The following TMEM45B variants were observed in gnomAD, a reference collection of about 807,000 sequenced individuals.
TMEM45B encodes transmembrane protein 45B.
TMEM45B carries 29 observed loss-of-function variants against 27.3 expected under a neutral mutation model. That is an observed-to-expected ratio of 1.06 (90% CI 0.79 to 1.45). The LOEUF (loss-of-function observed/expected upper bound fraction) is 1.45. Ranked by LOEUF, TMEM45B falls within the 40% of genes most tolerant of loss-of-function variation. The pLI, the probability that TMEM45B is intolerant of heterozygous loss-of-function variation, is 0.00. For missense variants in TMEM45B, 348 were observed against 343.9 expected, an observed-to-expected ratio of 1.01 and a Z score of -0.09; for synonymous variants, 143 against 134.7, an observed-to-expected ratio of 1.06 and a Z score of -0.43.
intron 2 of TMEM45B, among the ~76,000 whole-genome samples, chr11:129,853,256 C>A (rs1004706585): frequency 1.3e-5 from 2 of 152,234 alleles, no homozygotes; most frequent in Non-Finnish European, 2.9e-5. Flanking sequence ...CCACTCCGCT[C>A]CACTGCGGCC....
chr11:129,842,829 T>C (rs1002711919), intron 1 of TMEM45B, among the ~76,000 whole-genome samples: 1 of 152,162 alleles, frequency 6.6e-6, no homozygotes, highest in Non-Finnish European at 1.5e-5. Context: ...AGCTTTTGCA[T>C]AGCAAAGAAA....
intron 1 of TMEM45B, among the ~76,000 whole-genome samples, 195 bp downstream of exon 1, chr11:129,816,093 G>A (rs1348740866): frequency 1.3e-5 from 2 of 152,168 alleles, no homozygotes; most frequent in South Asian, 2.1e-4. Flanking sequence ...AGGGGATGGA[G>A]GGCCCTGGTG....
chr11:129,855,224 G>A lies in TMEM45B; in HGVS notation c.385+408G>A, dbSNP rs367683770. On this transcript the variant is annotated intron_variant, in intron 3 of 5. Coordinates refer to ENST00000281441, the MANE Select transcript of TMEM45B (RefSeq NM_138788.5). ...AGGGGATACACCCCTTTGGTTAAGCGAAACCACACTCTACCTTTTGCCCAG... is the reference window on the plus strand; with the variant it reads ...AGGGGATACACCCCTTTGGTTAAGCAAAACCACACTCTACCTTTTGCCCAG... Among the ~76,000 whole-genome samples, 27 of 152,248 alleles carry A rather than the reference G, an allele frequency of 1.8e-4. No individual in the cohort carries two copies. In the East Asian group the frequency reaches 3.9e-3, roughly 22 times the overall value.
chr11:129,826,635 G>T (rs148761048), intron 1 of TMEM45B, among the ~76,000 whole-genome samples: 46,559 of 147,260 alleles, frequency 0.32, 8,084 homozygotes, highest in East Asian at 0.48. Flanking sequence ...TTCAGGCTAG[G>T]ACCCAAGTAT....
chr11:129,857,274 G>A (rs192892180), intron 4 of TMEM45B, 39 bp from the exon 5 acceptor site: 11 of 1,606,686 alleles, frequency 6.8e-6, no homozygotes, highest in East Asian at 6.7e-5. Context: ...TTCTCAGGAC[G>A]ACCAACCACA....
intron 1 of TMEM45B, among the ~76,000 whole-genome samples, chr11:129,847,403 A>AGTTATTTTTTT (rs1305755447): frequency 2.3e-5 from 1 of 42,572 alleles, no homozygotes; most frequent in African/African-American, 6.6e-5. Flanking sequence ...AAGCTTATGA[A>AGTTATTTTTTT]GTTATTTTTT....
At chr11:129,842,807 A>G (rs970704787) in intron 1 of TMEM45B, among the ~76,000 whole-genome samples, 1 of 152,258 alleles carries the variant, frequency 6.6e-6, no homozygotes, top group African/African-American at 2.4e-5. Flanking sequence ...GTAGGATTGC[A>G]TCAAAGTAAA....
intron 1 of TMEM45B, among the ~76,000 whole-genome samples, chr11:129,816,880 G>A (rs1174722052): frequency 1.3e-5 from 2 of 150,964 alleles, no homozygotes; most frequent in Non-Finnish European, 2.9e-5. Flanking sequence ...TAGGACTACT[G>A]GCGCCCGCCA....
intron 3 of TMEM45B, 49 bp from the exon 4 acceptor site, chr11:129,855,659 T>C (rs781470014): frequency 1.5e-5 from 24 of 1,604,378 alleles, no homozygotes; most frequent in African/African-American, 6.7e-5. Context: ...ACTTCGGTGA[T>C]GGTGAAAGCC....
chr11:129,852,287 G>A (rs1440721282), intron 1 of TMEM45B, among the ~76,000 whole-genome samples, 188 bp from the exon 2 acceptor site: 2 of 152,080 alleles, frequency 1.3e-5, no homozygotes, highest in Non-Finnish European at 2.9e-5. Flanking sequence ...AGTCCAGTTG[G>A]TTATGCAACT....
intron 1 of TMEM45B, among the ~76,000 whole-genome samples, chr11:129,819,922 A>G (rs1947398178): frequency 1.3e-5 from 2 of 152,134 alleles, no homozygotes; most frequent in Admixed American, 6.5e-5. Flanking sequence ...GACTTCTTAC[A>G]TGTCATTGGC....
chr11:129,850,022 C>G (rs115149401), intron 1 of TMEM45B, among the ~76,000 whole-genome samples: 2 of 152,086 alleles, frequency 1.3e-5, no homozygotes, highest in African/African-American at 4.8e-5. Flanking sequence ...TGGCCATACC[C>G]GTGGTTTTCT....
intron 1 of TMEM45B, among the ~76,000 whole-genome samples, chr11:129,832,510 C>A (rs1161016220): frequency 1.3e-5 from 2 of 151,398 alleles, no homozygotes; most frequent in Non-Finnish European, 2.9e-5. Flanking sequence ...TCCACAGAGA[C>A]GGAAAGCATA....
At chr11:129,850,130 A>G (rs188956421) in intron 1 of TMEM45B, among the ~76,000 whole-genome samples, 6 of 145,274 alleles carry the variant, frequency 4.1e-5, no homozygotes, top group Admixed American at 3.4e-4. Flanking sequence ...CTGCCTTCAA[A>G]TTATTTCTCT....
At chr11:129,837,782 T>C (rs1198306138) in intron 1 of TMEM45B, among the ~76,000 whole-genome samples, 8 of 137,888 alleles carry the variant, frequency 5.8e-5, no homozygotes, top group South Asian at 2.5e-4. Context: ...AGTTTCTTTT[T>C]TTTTTTTTTT....
chr11:129,835,304 T>C (rs1362153236), intron 1 of TMEM45B, among the ~76,000 whole-genome samples: 1 of 152,208 alleles, frequency 6.6e-6, no homozygotes, highest in Admixed American at 6.5e-5. Flanking sequence ...ATGTGATGCA[T>C]GGATACAGTC....
At chr11:129,845,579 G>A (rs1947750690) in intron 1 of TMEM45B, among the ~76,000 whole-genome samples, 1 of 151,998 alleles carries the variant, frequency 6.6e-6, no homozygotes, top group Admixed American at 6.6e-5. Context: ...TTACTTGTTA[G>A]ACATAAATGA....
At chr11:129,845,746 C>T (rs539026643) in intron 1 of TMEM45B, among the ~76,000 whole-genome samples, 1 of 152,236 alleles carries the variant, frequency 6.6e-6, no homozygotes, top group Admixed American at 6.5e-5. Context: ...GTCAACTATG[C>T]AAATTCTCAA....
intron 1 of TMEM45B, among the ~76,000 whole-genome samples, chr11:129,834,168 C>T (rs1475791473): frequency 2.0e-5 from 3 of 152,210 alleles, no homozygotes; most frequent in African/African-American, 4.8e-5. Flanking sequence ...CGGTGGCTCA[C>T]GCCTGTAATC....
Sources: gnomAD v4.1 joint callset for allele counts (sites outside exome capture counted in the v4.1 genomes callset) on GRCh38, gnomAD v4.1.1 for gene constraint, MANE v1.5 for transcripts, NCBI Gene and HGNC (gene_info 2026-07-23, HGNC 2026-07-21) for gene names.